SLCO4C1: variants seen among roughly 807,000 people sequenced by gnomAD.
The protein encoded by SLCO4C1 is solute carrier organic anion transporter family member 4C1, also known as organic anion transporter M1.
Under a neutral mutation model 72.1 loss-of-function variants are expected in SLCO4C1, and 58 were observed. That is an observed-to-expected ratio of 0.80 (90% confidence interval 0.65 to 1.00). The LOEUF (loss-of-function observed/expected upper bound fraction) is 1.00, where lower values mean the gene tolerates loss of function less well. SLCO4C1 is among the 50% of genes least tolerant of loss of function. SLCO4C1 has a pLI of 0.00. For missense variants in SLCO4C1, 898 were observed against 857.9 expected, an observed-to-expected ratio of 1.05 and a Z score of -0.58; for synonymous variants, 297 against 312.5, an observed-to-expected ratio of 0.95 and a Z score of 0.52.
At chr5:102,263,927 T>G (rs146733749) in intron 3 of SLCO4C1, 147 bp from the exon 4 acceptor site, 1 of 606,730 alleles carries the variant, frequency 1.6e-6, no homozygotes, top group Non-Finnish European at 2.8e-6. Flanking sequence ...ACAATACCAT[T>G]TGAATTGATA....
rs1216591831 is a variant in SLCO4C1, at chr5:102,234,207, T to G, written c.*2651A>C. On this transcript the variant is annotated 3_prime_UTR_variant, in exon 13 of 13. Transcript: ENST00000310954. Reference sequence around the variant, plus strand: ...AAATTTTAACACATATATCCAATTATGTACACAATTACAATGTCAATTTAT... The same window carrying G: ...AAATTTTAACACATATATCCAATTAGGTACACAATTACAATGTCAATTTAT... The G allele has an allele frequency of 6.5e-6, 1 of 152,730 alleles. No homozygotes were observed. Among genetic ancestry groups the G allele is most frequent in the East Asian group, 1.9e-4 (1 of 5,188 alleles). 9.5% of individuals were successfully genotyped at this position (152,730 alleles called of 1,614,324 possible).
chr5:102,247,135 A>G (rs1748649562), intron 10 of SLCO4C1, 117 bp downstream of exon 10: 13 of 651,942 alleles, frequency 2.0e-5, no homozygotes, highest in Non-Finnish European at 2.4e-6. Context: ...ATGATCTTGT[A>G]AGGGCTGATT....
intron 2 of SLCO4C1, among the ~76,000 whole-genome samples, chr5:102,285,312 T>A (rs551746378): frequency 6.6e-6 from 1 of 152,064 alleles, no homozygotes; most frequent in African/African-American, 2.4e-5. Flanking sequence ...TGAGACGAAG[T>A]CTCACACTGT....
At position 102,270,705 on chromosome 5, in the gene SLCO4C1, C is replaced by CAATAGTTGT; in HGVS notation, c.720_721insACAACTATT (p.Gly240_Ala241insThrThrIle). The CAATAGTTGT allele has an allele frequency of 6.2e-7, 1 of 1,613,090 alleles. No homozygotes were observed. The highest frequency in any genetic ancestry group is 8.5e-7 in the Non-Finnish European group (1 of 1,179,470). On this transcript the variant is annotated inframe_insertion, in exon 3 of 13. Coordinates refer to ENST00000310954, the MANE Select transcript of SLCO4C1 (RefSeq NM_180991.5). ...AGAGTATAAAGAGGAGTTCCTCCTG[C>CAATAGTTGT]CCCCAGCAATAGTTGTCCCAAGATG...
At chr5:102,258,937 T>C (rs1319085002) in intron 6 of SLCO4C1, among the ~76,000 whole-genome samples, 1 of 151,900 alleles carries the variant, frequency 6.6e-6, no homozygotes, top group Non-Finnish European at 1.5e-5. Flanking sequence ...AATAATCAAA[T>C]CTTGAGAAGA....
intron 12 of SLCO4C1, among the ~76,000 whole-genome samples, chr5:102,238,011 A>G (rs1259687718): frequency 1.3e-5 from 2 of 152,210 alleles, no homozygotes; most frequent in Non-Finnish European, 2.9e-5. Flanking sequence ...TAGTTCTTGC[A>G]GTAGCTGGTT....
intron 10 of SLCO4C1, among the ~76,000 whole-genome samples, chr5:102,243,997 G>T (rs1257832142): frequency 1.3e-5 from 2 of 152,112 alleles, no homozygotes; most frequent in Non-Finnish European, 2.9e-5. Flanking sequence ...ACTCAGCCTG[G>T]CCAACATAGT....
chr5:102,249,554 G>C, intron 9 of SLCO4C1, 84 bp downstream of exon 9: 1 of 1,405,936 alleles, frequency 7.1e-7, no homozygotes, highest in Non-Finnish European at 9.9e-7. Flanking sequence ...GGCAAGAATA[G>C]GCATTGCATA....
chr5:102,276,572 A>G (rs1295840865), intron 2 of SLCO4C1, among the ~76,000 whole-genome samples: 1 of 152,150 alleles, frequency 6.6e-6, no homozygotes, highest in Admixed American at 6.5e-5. Flanking sequence ...ACCGTCTTTT[A>G]CAAGTCTCCA....
chr5:102,237,527 G>A (rs778240290), intron 12 of SLCO4C1, among the ~76,000 whole-genome samples: 1 of 151,996 alleles, frequency 6.6e-6, no homozygotes, highest in Non-Finnish European at 1.5e-5. Flanking sequence ...TGAGAGGATC[G>A]CTTCACCCCT....
intron 4 of SLCO4C1, among the ~76,000 whole-genome samples, chr5:102,262,459 A>C (rs551118722): frequency 1.3e-5 from 2 of 152,184 alleles, no homozygotes; most frequent in African/African-American, 4.8e-5. Context: ...ATTAGTCTTA[A>C]AGCAACTATT....
At chr5:102,248,272 A>G (rs533875802) in intron 9 of SLCO4C1, among the ~76,000 whole-genome samples, 7 of 152,108 alleles carry the variant, frequency 4.6e-5, no homozygotes, top group Non-Finnish European at 7.4e-5. Context: ...TATATTGCCT[A>G]TCTGAAATAT....
At chr5:102,278,129 G>C (rs73774614) in intron 2 of SLCO4C1, among the ~76,000 whole-genome samples, 3,838 of 152,166 alleles carry the variant, frequency 0.025, 164 homozygotes, top group African/African-American at 0.088. Flanking sequence ...TTCAAATGCA[G>C]TAATGTGGGC....
In SLCO4C1 at chr5:102,267,693, G is replaced by A. The variant is rs185487936; in HGVS notation, c.802+2931C>T. On this transcript the variant is annotated intron_variant, in intron 3 of 12. Coordinates refer to ENST00000310954, the MANE Select transcript of SLCO4C1 (RefSeq NM_180991.5). ...TGTTCTTGCTTTTCCATTTCCTTGA[G>A]GTACATCATTAGGTGGTTTATTTGA... Among the ~76,000 whole-genome samples the A allele has an allele frequency of 4.4e-3, 665 of 149,820 alleles. 6 individuals are homozygous for A. The highest frequency in any genetic ancestry group is 0.014 in the African/African-American group (580 of 40,852).
intron 3 of SLCO4C1, 113 bp from the exon 4 acceptor site, chr5:102,263,893 A>G: frequency 2.8e-6 from 2 of 720,024 alleles, no homozygotes; most frequent in Non-Finnish European, 4.5e-6. Context: ...TAAACATATC[A>G]AAATCACACA....
At chr5:102,282,370 C>T (rs1749373881) in intron 2 of SLCO4C1, among the ~76,000 whole-genome samples, 1 of 151,944 alleles carries the variant, frequency 6.6e-6, no homozygotes, top group Non-Finnish European at 1.5e-5. Flanking sequence ...AACAGTACGA[C>T]AATTCCGAAG....
At chr5:102,293,669 A>G (rs1580271924) in intron 1 of SLCO4C1, among the ~76,000 whole-genome samples, 1 of 152,356 alleles carries the variant, frequency 6.6e-6, no homozygotes, top group Non-Finnish European at 1.5e-5. Flanking sequence ...AAACATGGCA[A>G]TAAAGTTTTC....
chr5:102,237,009 C>A lies in SLCO4C1; in HGVS notation c.2024G>T (p.Cys675Phe). 1 of 1,587,286 alleles carries A rather than the reference C, an allele frequency of 6.3e-7. No individual in the cohort carries two copies. The highest frequency in any genetic ancestry group is 8.5e-7 in the Non-Finnish European group (1 of 1,172,132). Residue 675 changes from cysteine to phenylalanine, a missense_variant, in exon 13 of 13, where the codon TGT becomes TTT. By Grantham distance (205) the Cys-to-Phe change is radical. Transcript: ENST00000310954. The stretch of plus-strand genomic sequence containing the variant: ...ATTGAAGAACATGGTGATAACTTTA[C>A]AAGTAACACCTAAGTGAAAAAAAAA... Reference protein sequence around the residue: ...AHMLVAISVTCKVITMFFNGF... With the variant: ...AHMLVAISVTFKVITMFFNGF...
chr5:102,254,935 G>C (rs751890113), intron 8 of SLCO4C1, among the ~76,000 whole-genome samples: 6 of 151,988 alleles, frequency 3.9e-5, no homozygotes, highest in Non-Finnish European at 8.8e-5. Flanking sequence ...TCTTAGATGA[G>C]ACTAGTTTGA....
Sources: gnomAD v4.1 joint callset for allele counts (sites outside exome capture counted in the v4.1 genomes callset) on GRCh38, gnomAD v4.1.1 for gene constraint, MANE v1.5 for transcripts, NCBI Gene and HGNC (gene_info 2026-07-23, HGNC 2026-07-21) for gene names.